The following SPICE1 variants were observed in gnomAD, a reference collection of about 807,000 sequenced individuals.
The protein encoded by SPICE1 is spindle and centriole-associated protein 1.
SPICE1 carries 75 observed loss-of-function variants against 102.7 expected under a neutral mutation model. The ratio of observed to expected loss-of-function variants is 0.73; its 90% CI spans 0.61 to 0.88. The LOEUF (loss-of-function observed/expected upper bound fraction) is 0.88, where lower values mean the gene tolerates loss of function less well. SPICE1 is among the 40% of genes least tolerant of loss of function. The pLI is 0.00. For missense variants in SPICE1, 979 were observed against 1,020.1 expected (o/e 0.96, Z 0.55); for synonymous variants, 308 against 350.3 (o/e 0.88, Z 1.35).
chr3:113,454,591 C>T (rs916996869), intron 13 of SPICE1, among the ~76,000 whole-genome samples: 1 of 152,080 alleles, frequency 6.6e-6, no homozygotes, highest in African/African-American at 2.4e-5. Context: ...TGGTGCACGG[C>T]TGTAATCCCA....
chr3:113,500,941 T>C (rs991729126), intron 3 of SPICE1, among the ~76,000 whole-genome samples: 2 of 152,162 alleles, frequency 1.3e-5, no homozygotes, highest in East Asian at 3.8e-4. Flanking sequence ...ATATACTCAA[T>C]GCCTAAGTTA....
intron 11 of SPICE1, among the ~76,000 whole-genome samples, chr3:113,462,945 C>A (rs1410043292): frequency 2.0e-5 from 3 of 152,016 alleles, no homozygotes; most frequent in African/African-American, 7.3e-5. Context: ...TTGTCTCCTG[C>A]CTCTCTCTCT....
intron 1 of SPICE1, among the ~76,000 whole-genome samples, chr3:113,511,017 C>G (rs964972013): frequency 2.0e-5 from 3 of 152,160 alleles, no homozygotes; most frequent in Non-Finnish European, 4.4e-5. Context: ...AAAAAGTCAA[C>G]ATCACTGATC....
rs565095632 is a variant in SPICE1, at chr3:113,499,579, G to A, written c.151C>T (p.Arg51Cys). 2.8e-5 allele frequency: 45 copies of A among 1,603,502 alleles called. No homozygotes were observed. Among genetic ancestry groups the A allele is most frequent in the Middle Eastern group, 3.4e-4 (2 of 5,964 alleles). Residue 51 changes from arginine (R) to cysteine (C), a missense_variant, in exon 4 of 18, where the codon CGC (arginine) becomes TGC (cysteine). By Grantham distance (180) the Arg-to-Cys change is radical (BLOSUM62 -3). Coordinates refer to ENST00000295872, the MANE Select transcript of SPICE1 (RefSeq NM_144718.4). Reference protein sequence around the residue: ...VHRATPEDLVRRHEIHKSKNR... With the variant: ...VHRATPEDLVCRHEIHKSKNR... ...TTCGATTTGTGTATTTCATGACGGCGTACCTATACAGAAGAGAAAAGTACA... is the reference window on the plus strand; with the variant it reads ...TTCGATTTGTGTATTTCATGACGGCATACCTATACAGAAGAGAAAAGTACA...
Position 113,456,917 on chromosome 3 carries a change from C to A in SPICE1, c.1657+219G>T, listed in dbSNP as rs985003002. 8.7e-4 allele frequency among the ~76,000 whole-genome samples: 133 copies of A among 152,288 alleles called. 1 individual carries two copies. Among genetic ancestry groups the A allele is most frequent in the African/African-American group, 3.0e-3 (126 of 41,564 alleles). The stretch of plus-strand genomic sequence containing the variant: ...TCTTTTGATCTGAGTTTAATACTTA[C>A]AATGTTTAATAAAATAGATATACAA... On this transcript the variant is annotated intron_variant, in intron 13 of 17. Coordinates refer to ENST00000295872, the MANE Select transcript of SPICE1 (RefSeq NM_144718.4).
chr3:113,502,662 T>TAAAAAAAAAAAAA (rs35248720), intron 3 of SPICE1, among the ~76,000 whole-genome samples: 1 of 87,286 alleles, frequency 1.1e-5, no homozygotes. Context: ...CAATAAATCT[T>TAAAAAAAAAAAAA]AAAAAAAAAA....
chr3:113,483,448 T>C (rs1206130601), intron 7 of SPICE1, among the ~76,000 whole-genome samples: 1 of 152,222 alleles, frequency 6.6e-6, no homozygotes, highest in Non-Finnish European at 1.5e-5. Context: ...CTATGTTGAA[T>C]AGGAGTTGTG....
chr3:113,495,340 C>A (rs1936859544), intron 4 of SPICE1, among the ~76,000 whole-genome samples: 2 of 152,216 alleles, frequency 1.3e-5, no homozygotes. Flanking sequence ...CAAATACATA[C>A]ACAATGTGAC....
intron 15 of SPICE1, 35 bp downstream of exon 15, chr3:113,450,301 A>T: frequency 6.2e-7 from 1 of 1,611,470 alleles, no homozygotes; most frequent in Non-Finnish European, 8.5e-7. Flanking sequence ...AAACCTTCAT[A>T]TTTCTAGTTT....
At chr3:113,512,709 T>G (rs1937245848) in intron 1 of SPICE1, among the ~76,000 whole-genome samples, 1 of 152,108 alleles carries the variant, frequency 6.6e-6, no homozygotes, top group African/African-American at 2.4e-5. Flanking sequence ...ACCTGGCCTC[T>G]TCTATTCTTT....
chr3:113,497,690 GAGAGAGA>G (rs1936922703), intron 4 of SPICE1, among the ~76,000 whole-genome samples: 1 of 89,794 alleles, frequency 1.1e-5, no homozygotes, highest in East Asian at 2.8e-4. Flanking sequence ...CATAGAGAGA[GAGAGAGA>G]GAAAGAGAGC....
intron 7 of SPICE1, among the ~76,000 whole-genome samples, chr3:113,488,562 G>T (rs962593747): frequency 2.6e-5 from 4 of 152,132 alleles, no homozygotes; most frequent in African/African-American, 4.8e-5. Flanking sequence ...ATATGCAAAG[G>T]CATACAGAGT....
At chr3:113,447,169 T>G (rs2107439084) in intron 16 of SPICE1, among the ~76,000 whole-genome samples, 1 of 152,312 alleles carries the variant, frequency 6.6e-6, no homozygotes, top group South Asian at 2.1e-4. Context: ...CCTCTTTTTC[T>G]TCCCAATCTC....
At chr3:113,476,217 C>T (rs1460048122) in intron 7 of SPICE1, among the ~76,000 whole-genome samples, 1 of 150,424 alleles carries the variant, frequency 6.6e-6, no homozygotes, top group Non-Finnish European at 1.5e-5. Flanking sequence ...CCTAGGAATC[C>T]AACTTACAAG....
chr3:113,495,417 T>C (rs1174202904), intron 4 of SPICE1, among the ~76,000 whole-genome samples: 4 of 152,234 alleles, frequency 2.6e-5, no homozygotes, highest in African/African-American at 9.6e-5. Context: ...TTTCCCCTTC[T>C]TCCCCGGCTA....
rs578097663 is a variant in SPICE1 at position 113,465,937 on chromosome 3, TAATTA to T, written c.1156-158_1156-154del. ...GTTTTATTAAAAGGTTTATTATATT[TAATTA>T]AAGAAAATGTGCTTCTTTATCCTCT... On this transcript the variant is annotated intron_variant, in intron 10 of 17. Transcript: ENST00000295872. Among the ~76,000 whole-genome samples the T allele has an allele frequency of 5.9e-5, 9 of 152,344 alleles. No individual in the cohort carries two copies. In the South Asian group the frequency reaches 1.9e-3, roughly 32 times the overall value.
chr3:113,459,601 T>C (rs780294649), intron 12 of SPICE1: 1 of 985,250 alleles, frequency 1.0e-6, no homozygotes, highest in Non-Finnish European at 1.2e-6. Context: ...ATAGCAAGAC[T>C]TGCCAGGTGC....
At chr3:113,511,963 T>C (rs746343534) in intron 1 of SPICE1, among the ~76,000 whole-genome samples, 1 of 152,184 alleles carries the variant, frequency 6.6e-6, no homozygotes, top group Non-Finnish European at 1.5e-5. Context: ...TGTTTGCTTT[T>C]ATATTTCCCA....
rs978596683 is a variant in SPICE1 at position 113,487,176 on chromosome 3, G to A, written c.611+1769C>T. On this transcript the variant is annotated intron_variant, in intron 7 of 17. Transcript: ENST00000295872. ...ACTTAGCAGGTTTATTTTTGCAGTA[G>A]TATGGGCGCAGCAATTCCAAAACTA... Among the ~76,000 whole-genome samples the A allele has an allele frequency of 2.3e-4, 35 of 152,098 alleles. 1 individual carries two copies. Among genetic ancestry groups the A allele is most frequent in the Non-Finnish European group, 2.9e-5 (2 of 67,964 alleles).
Sources: gnomAD v4.1 joint callset for allele counts (sites outside exome capture counted in the v4.1 genomes callset) on GRCh38, gnomAD v4.1.1 for gene constraint, MANE v1.5 for transcripts, NCBI Gene and HGNC (gene_info 2026-07-23, HGNC 2026-07-21) for gene names.